The following ZFR2 variants were observed in gnomAD, a reference collection of about 807,000 sequenced individuals.
ZFR2 encodes the protein zinc finger RNA-binding protein 2.
ZFR2 carries 104 observed loss-of-function variants against 105.7 expected under a neutral mutation model. The observed-to-expected ratio is 0.98, with a 90% CI of 0.84 to 1.16. The LOEUF (loss-of-function observed/expected upper bound fraction) is 1.16, where lower values mean the gene tolerates loss of function less well. ZFR2 is among the 50% of genes most tolerant of loss of function. ZFR2 has a pLI of 0.00. For synonymous variants in ZFR2, 634 were observed against 597.7 expected (o/e 1.06, Z -0.89); for missense variants, 1,425 against 1,355.5 (o/e 1.05, Z -0.80).
At chr19:3,857,436 G>A (rs1461284314) in intron 1 of ZFR2, among the ~76,000 whole-genome samples, 1 of 151,734 alleles carries the variant, frequency 6.6e-6, no homozygotes, top group African/African-American at 2.4e-5. Context: ...CGGGTGTGGT[G>A]GCTCACACCT....
intron 18 of ZFR2, 133 bp from the exon 19 acceptor site, chr19:3,806,258 G>T: frequency 9.9e-7 from 1 of 1,009,474 alleles, no homozygotes. Context: ...GATAGCCCCC[G>T]GCCCCCCGCC....
chr19:3,853,209 T>C (rs1239413836), intron 1 of ZFR2, among the ~76,000 whole-genome samples: 1 of 152,144 alleles, frequency 6.6e-6, no homozygotes. Flanking sequence ...CAGCCAACAT[T>C]GCTGCTTCTG....
Position 3,834,667 on chromosome 19 carries a change from G to T in ZFR2, c.264+106C>A. ...GAAGGGTCCCGAAGGAAGGATCACG[G>T]TTAAGAGGCCTGGGAGAAGGAGTAG... On this transcript the variant is annotated intron_variant, in intron 2 of 18. Coordinates refer to ENST00000262961, the MANE Select transcript of ZFR2 (RefSeq NM_015174.2). The surrounding 1 kb of genome is among the most constrained non-coding windows in gnomAD (Gnocchi z 5.3). 8.1e-7 allele frequency: 1 copy of T among 1,233,184 alleles called. No individual in the cohort carries two copies. Among genetic ancestry groups the T allele is most frequent in the East Asian group, 2.5e-5 (1 of 40,010 alleles). 76.4% of individuals were successfully genotyped at this position (1,233,184 alleles called of 1,614,324 possible). A position where few individuals can be genotyped will look rare whatever the true frequency, so the allele number is the denominator to read the frequency against.
At chr19:3,832,623 A>AT (rs1173472788) in intron 3 of ZFR2, among the ~76,000 whole-genome samples, 17 of 141,000 alleles carry the variant, frequency 1.2e-4, no homozygotes, top group East Asian at 6.8e-4. Flanking sequence ...CCCGGCCTTT[A>AT]TTTTGTTTTT....
intron 1 of ZFR2, among the ~76,000 whole-genome samples, chr19:3,843,537 A>G (rs1298044717): frequency 6.7e-6 from 1 of 149,434 alleles, no homozygotes; most frequent in East Asian, 2.0e-4. Flanking sequence ...GGCCTTAAAA[A>G]GAAAACAAGT....
In ZFR2 at chr19:3,833,784, T is replaced by C. The variant is rs1599238696; in HGVS notation, c.265-6A>G. ...TGTCCGTAGCTGTAACTGTCCTATG[T>C]GGGGGTTTCGGCAGGAGAGAGACAG... On this transcript the variant is annotated splice_region_variant and splice_polypyrimidine_tract_variant and intron_variant, in intron 2 of 18. Transcript: ENST00000262961. The C allele has an allele frequency of 1.9e-6, 3 of 1,566,316 alleles. No homozygotes were observed. The East Asian group carries it at 7.1e-5, about 37-fold the overall frequency.
At chr19:3,861,157 C>T (rs2038368925) in intron 1 of ZFR2, among the ~76,000 whole-genome samples, 1 of 152,076 alleles carries the variant, frequency 6.6e-6, no homozygotes, top group South Asian at 2.1e-4. Flanking sequence ...CCACTCTCCG[C>T]CAACCGCGAC....
At chr19:3,821,013 CAG>C (rs1373376414) in intron 10 of ZFR2, among the ~76,000 whole-genome samples, 1 of 146,786 alleles carries the variant, frequency 6.8e-6, no homozygotes, top group Non-Finnish European at 1.5e-5. Context: ...GTCGGGGACA[CAG>C]GGACACCGGG....
At chr19:3,808,769 A>ACTTCCTCT in intron 17 of ZFR2, 103 bp downstream of exon 17, 1 of 985,906 alleles carries the variant, frequency 1.0e-6, no homozygotes, top group Non-Finnish European at 1.4e-6. Flanking sequence ...TGGGCTGGAC[A>ACTTCCTCT]CTTCCTCTGT....
At chr19:3,829,861 A>G (rs1240170326) in intron 5 of ZFR2, among the ~76,000 whole-genome samples, 2 of 152,200 alleles carry the variant, frequency 1.3e-5, no homozygotes, top group Non-Finnish European at 2.9e-5. Flanking sequence ...GTAATTAGCC[A>G]CGTGGGCTTC....
rs1379650054 is a variant in ZFR2, at chr19:3,813,835, G to A, written c.2227C>T (p.Pro743Ser). 2 of 1,613,704 alleles carry A rather than the reference G, an allele frequency of 1.2e-6. No homozygotes were observed. Among genetic ancestry groups the A allele is most frequent in the East Asian group, 2.2e-5 (1 of 44,890 alleles). ...SVTSPLMRED[P>S]STDPGVEEPQ... ...TGGGCCGCACCTGGGTCTGTGGAGGGGTCCTCCCGCATCAGAGGTGAGGTG... is the reference window on the plus strand; with the variant it reads ...TGGGCCGCACCTGGGTCTGTGGAGGAGTCCTCCCGCATCAGAGGTGAGGTG... Residue 743 changes from proline to serine, a missense_variant, in exon 14 of 19, where the codon CCC (proline) becomes TCC (serine). Coordinates refer to ENST00000262961, the MANE Select transcript of ZFR2 (RefSeq NM_015174.2). The surrounding 1 kb of genome is among the most constrained non-coding windows in gnomAD (Gnocchi z 4.4).
At chr19:3,868,157 C>T (rs1239193297) in intron 1 of ZFR2, among the ~76,000 whole-genome samples, 5 of 149,934 alleles carry the variant, frequency 3.3e-5, no homozygotes, top group Non-Finnish European at 7.4e-5. Flanking sequence ...TCTAGCTCTC[C>T]CCCTGTCCAG....
At chr19:3,831,193 T>C in intron 5 of ZFR2, 110 bp downstream of exon 5, 1 of 1,401,336 alleles carries the variant, frequency 7.1e-7, no homozygotes, top group Non-Finnish European at 9.3e-7. Context: ...ACACCAGACC[T>C]TCTTTCAGCA....
At position 3,821,438 on chromosome 19, in the gene ZFR2, G is replaced by T; in HGVS notation, c.1533C>A (p.Ser511Arg). Residue 511 changes from serine to arginine, a missense_variant, in exon 10 of 19, where the codon AGC becomes AGA. By Grantham distance (110) the Ser-to-Arg change is moderately radical. Transcript: ENST00000262961. ...CCTCCAGGACCTTCCGAGCCCGGCT[G>T]CTGGGCTCCGTGGCAATGGGAAGGT... is the stretch of plus-strand genomic sequence containing the variant. ...NPDLPIATEPSSRARKVLEER... is the reference protein window; with the variant it reads ...NPDLPIATEPRSRARKVLEER... 2 of 1,609,666 alleles carry T rather than the reference G, an allele frequency of 1.2e-6. No homozygotes were observed. The highest frequency in any genetic ancestry group is 1.7e-6 in the Non-Finnish European group (2 of 1,177,380).
At chr19:3,806,686 G>A (rs985310759) in intron 18 of ZFR2, among the ~76,000 whole-genome samples, 4 of 152,186 alleles carry the variant, frequency 2.6e-5, no homozygotes, top group Non-Finnish European at 4.4e-5. Flanking sequence ...AGCTCTTTCC[G>A]CCTCACTGGA....
At chr19:3,814,938 T>C (rs2037808921) in intron 13 of ZFR2, among the ~76,000 whole-genome samples, 1 of 152,066 alleles carries the variant, frequency 6.6e-6, no homozygotes, top group Non-Finnish European at 1.5e-5. Flanking sequence ...GGTCATTCTA[T>C]GGGGAACACT....
At position 3,822,111 on chromosome 19, in the gene ZFR2, C is replaced by G; in HGVS notation, c.1461G>C (p.Val487=). The G allele has an allele frequency of 6.2e-7, 1 of 1,609,292 alleles. No homozygotes were observed. Among genetic ancestry groups the G allele is most frequent in the Non-Finnish European group, 8.5e-7 (1 of 1,178,210 alleles). The change falls in exon 9 of 19, where the codon GTG becomes GTC. Residue 487 remains valine, a synonymous_variant. Transcript: ENST00000262961. ...FNDLNAKDLH[V]RGRRHRLQYR... ...ACTGCAGCCGGTGCCGCCGCCCCCT[C>G]ACGTGCAGGTCCTTCGCGTTAAGGT...
At chr19:3,855,050 G>A (rs1568432478) in intron 1 of ZFR2, among the ~76,000 whole-genome samples, 1 of 152,086 alleles carries the variant, frequency 6.6e-6, no homozygotes. Flanking sequence ...GTGAGCCACT[G>A]TGCCCAGCTA....
At chr19:3,811,460 C>CTTT in intron 14 of ZFR2, 94 bp from the exon 15 acceptor site, 20 of 884,246 alleles carry the variant, frequency 2.3e-5, no homozygotes, top group Admixed American at 3.2e-5. Context: ...CCCCTCGACG[C>CTTT]TTTTTTTTTT....
Sources: allele counts gnomAD v4.1 joint callset (sites outside exome capture counted in the v4.1 genomes callset), GRCh38; gene constraint gnomAD v4.1.1; non-coding constraint Gnocchi (gnomAD v3.1); transcripts MANE v1.5; gene names NCBI Gene and HGNC (gene_info 2026-07-23, HGNC 2026-07-21).